Variants in ADAM32 observed in about 807,000 individuals in gnomAD.
ADAM32 encodes disintegrin and metalloproteinase domain-containing protein 32.
ADAM32 carries 89 observed loss-of-function variants against 114.9 expected under a neutral mutation model. The observed-to-expected ratio is 0.77, with a 90% CI of 0.65 to 0.92. ADAM32 has a LOEUF of 0.92. Ranked by LOEUF, ADAM32 falls within the 40% of genes least tolerant of loss-of-function variation. The probability of loss-of-function intolerance (pLI) is 0.00; values close to 1 mark genes in which losing one functional copy is unlikely to be tolerated. For missense variants in ADAM32, 870 were observed against 932.8 expected (o/e 0.93, Z 0.88); for synonymous variants, 285 against 307.5 (o/e 0.93, Z 0.77).
chr8:39,166,888 GT>G (rs150355169), intron 9 of ADAM32: 1 of 151,898 alleles, frequency 6.6e-6, no homozygotes, highest in African/African-American at 2.4e-5. Flanking sequence ...GGGATTGTTT[GT>G]TTTTTTCTTA....
intron 1 of ADAM32, chr8:39,108,051 A>G (rs1336272755): frequency 1.9e-6 from 1 of 532,046 alleles, no homozygotes; most frequent in Non-Finnish European, 3.0e-6. Context: ...TGAGAGACTG[A>G]GGCGAGCTGA....
intron 2 of ADAM32, chr8:39,129,789 C>A: frequency 3.5e-6 from 1 of 287,494 alleles, no homozygotes. Flanking sequence ...TTGAATTCAT[C>A]TGCACCTTGG....
chr8:39,210,228 C>T (rs1335949661), intron 11 of ADAM32, among the ~76,000 whole-genome samples: 1 of 152,126 alleles, frequency 6.6e-6, no homozygotes, highest in Non-Finnish European at 1.5e-5. Context: ...AGGCAAAGTC[C>T]CATGCACACT....
At chr8:39,116,228 G>T (rs879806454) in intron 1 of ADAM32, among the ~76,000 whole-genome samples, 1 of 152,054 alleles carries the variant, frequency 6.6e-6, no homozygotes, top group Non-Finnish European at 1.5e-5. Context: ...GCTCTTTTAT[G>T]GTTCCATATG....
intron 2 of ADAM32, among the ~76,000 whole-genome samples, chr8:39,133,357 T>A (rs1282838531): frequency 6.6e-6 from 1 of 152,242 alleles, no homozygotes; most frequent in Non-Finnish European, 1.5e-5. Flanking sequence ...AGATGTAATA[T>A]CTATATGATT....
intron 11 of ADAM32, among the ~76,000 whole-genome samples, chr8:39,188,496 G>C (rs1806397063): frequency 2.0e-5 from 3 of 152,176 alleles, no homozygotes; most frequent in South Asian, 4.1e-4. Flanking sequence ...ACAATGTTTT[G>C]TGTAGGTCAC....
rs1809913826 is a variant in ADAM32 at position 39,233,879 on chromosome 8, T to G, written c.1635-20T>G. The G allele has an allele frequency of 7.3e-7, 1 of 1,377,422 alleles. No individual in the cohort carries two copies. The highest frequency in any genetic ancestry group is 9.6e-7 in the Non-Finnish European group (1 of 1,043,938). 85.3% of individuals were successfully genotyped at this position (1,377,422 alleles called of 1,614,324 possible). A position where few individuals can be genotyped will look rare whatever the true frequency, so the allele number is the denominator to read the frequency against. On this transcript the variant is annotated intron_variant, in intron 15 of 24. Coordinates refer to ENST00000379907, the MANE Select transcript of ADAM32 (RefSeq NM_145004.7). ...AAATTCCTAATGTATAATAATCATA[T>G]ATATTTTTTATGTTTTCAGGAATCT...
chr8:39,151,036 A>G (rs12676190), intron 5 of ADAM32, among the ~76,000 whole-genome samples: 130,487 of 151,386 alleles, frequency 0.86, 59,651 homozygotes, highest in East Asian at 1. Flanking sequence ...AGCATGGCAA[A>G]CCAGAGAGAA....
At chr8:39,185,352 A>AACAAAAAC (rs1806164359) in intron 10 of ADAM32, among the ~76,000 whole-genome samples, 1 of 150,700 alleles carries the variant, frequency 6.6e-6, no homozygotes, top group African/African-American at 2.5e-5. Flanking sequence ...CAAAAAAAAA[A>AACAAAAAC]CAAAAAACAA....
intron 4 of ADAM32, among the ~76,000 whole-genome samples, chr8:39,148,770 C>CATCATAAAG (rs1475027689): frequency 6.6e-6 from 1 of 152,088 alleles, no homozygotes; most frequent in Non-Finnish European, 1.5e-5. Flanking sequence ...CCCTTAGTTC[C>CATCATAAAG]ATCATAAAGC....
chr8:39,119,979 AG>A (rs1840524906), intron 2 of ADAM32, among the ~76,000 whole-genome samples: 1 of 152,226 alleles, frequency 6.6e-6, no homozygotes, highest in South Asian at 2.1e-4. Flanking sequence ...GAAATATACT[AG>A]GGGTTCATGC....
intron 2 of ADAM32, among the ~76,000 whole-genome samples, chr8:39,134,351 C>T (rs1183725681): frequency 6.6e-6 from 1 of 152,058 alleles, no homozygotes; most frequent in Non-Finnish European, 1.5e-5. Context: ...AGGGGCTCTC[C>T]TGTGGCTTGT....
chr8:39,167,257 A>G (rs1053581030), intron 9 of ADAM32: 1 of 152,196 alleles, frequency 6.6e-6, no homozygotes. Context: ...CATCTCCTAC[A>G]TGTGGCTTGG....
intron 16 of ADAM32, among the ~76,000 whole-genome samples, chr8:39,245,170 T>C (rs1810824078): frequency 6.6e-6 from 1 of 151,888 alleles, no homozygotes; most frequent in Non-Finnish European, 1.5e-5. Flanking sequence ...CTGGATGGAG[T>C]TGGAGCCATT....
rs1300273119 is a variant in ADAM32, at chr8:39,186,919, A to C, written c.926A>C (p.Glu309Ala). 6.2e-7 allele frequency: 1 copy of C among 1,609,504 alleles called. No homozygotes were observed. Among genetic ancestry groups the C allele is most frequent in the Non-Finnish European group, 8.5e-7 (1 of 1,177,612 alleles). ...YSAGVALYPK[E>A]ITLEAFAVIV... is the part of the protein sequence containing the mutation. The stretch of plus-strand genomic sequence containing the variant: ...TTGTTGTTATTATAGTACCCCAAGG[A>C]GATAACTCTGGAGGCATTTGCAGTT... The change falls in exon 11 of 25, where the codon GAG becomes GCG. Residue 309 changes from glutamate to alanine, a missense_variant. Physicochemically the swap from Glu to Ala is moderately radical, Grantham distance 107. Coordinates refer to ENST00000379907, the MANE Select transcript of ADAM32 (RefSeq NM_145004.7).
intron 17 of ADAM32, among the ~76,000 whole-genome samples, chr8:39,250,221 T>G (rs144172753): frequency 1.9e-4 from 29 of 152,168 alleles, no homozygotes; most frequent in Non-Finnish European, 4.1e-4. Flanking sequence ...TGTTATACAT[T>G]TTTTTAGTTG....
At chr8:39,114,432 AG>A (rs1315087444) in intron 1 of ADAM32, among the ~76,000 whole-genome samples, 6 of 152,236 alleles carry the variant, frequency 3.9e-5, no homozygotes, top group African/African-American at 1.4e-4. Context: ...AGAGGCTGTG[AG>A]TCCTCGTGGT....
intron 10 of ADAM32, among the ~76,000 whole-genome samples, chr8:39,170,387 A>G (rs1805115330): frequency 6.6e-6 from 1 of 152,144 alleles, no homozygotes; most frequent in African/African-American, 2.4e-5. Context: ...GGATTCCTTA[A>G]GATGTTTCAG....
intron 17 of ADAM32, among the ~76,000 whole-genome samples, chr8:39,253,719 G>A (rs1811450864): frequency 6.6e-6 from 1 of 151,490 alleles, no homozygotes; most frequent in East Asian, 1.9e-4. Context: ...CCAAGGAGGT[G>A]AACGACTTGT....
Sources: gnomAD v4.1 joint callset for allele counts (sites outside exome capture counted in the v4.1 genomes callset) on GRCh38, gnomAD v4.1.1 for gene constraint, MANE v1.5 for transcripts, NCBI Gene and HGNC (gene_info 2026-07-23, HGNC 2026-07-21) for gene names.